Variants in HSD17B2 observed in about 807,000 individuals in gnomAD.
HSD17B2 encodes 17-beta-hydroxysteroid dehydrogenase type 2.
Under a neutral mutation model 26.9 loss-of-function variants are expected in HSD17B2, and 32 were observed. That is an observed-to-expected ratio of 1.19 (90% CI 0.90 to 1.60). HSD17B2 has a LOEUF of 1.60. Among genes scored for constraint, HSD17B2 ranks in the 40% most tolerant of loss-of-function variants. HSD17B2 has a pLI of 0.00. For missense variants in HSD17B2, 613 were observed against 468.6 expected (o/e 1.31, Z -2.85); for synonymous variants, 246 against 186.7 (o/e 1.32, Z -2.59).
chr16:82,036,734 TA>T (rs1488877495), intron 1 of HSD17B2, among the ~76,000 whole-genome samples: 1 of 152,208 alleles, frequency 6.6e-6, no homozygotes, highest in Non-Finnish European at 1.5e-5. Context: ...TTCTTTAAAT[TA>T]ATTTTTGAAA....
At chr16:82,088,477 G>C (rs1312957765) in intron 3 of HSD17B2, among the ~76,000 whole-genome samples, 1 of 152,140 alleles carries the variant, frequency 6.6e-6, no homozygotes, top group African/African-American at 2.4e-5. Context: ...GCTAATCAAT[G>C]GCAGAGCTAG....
At chr16:82,047,379 T>C (rs4589548) in intron 1 of HSD17B2, among the ~76,000 whole-genome samples, 2,276 of 152,296 alleles carry the variant, frequency 0.015, 70 homozygotes, top group African/African-American at 0.053. Flanking sequence ...TGATTAGCAG[T>C]GTGGAAAGGG....
chr16:82,086,691 C>T (rs1452637952), intron 3 of HSD17B2, among the ~76,000 whole-genome samples: 7 of 152,194 alleles, frequency 4.6e-5, no homozygotes, highest in Non-Finnish European at 8.8e-5. Context: ...GTCCATAGTT[C>T]TGTACATTAT....
rs981056851 is a variant in HSD17B2 at position 82,068,189 on chromosome 16, C to G, written c.285C>G (p.Gly95=). Residue 95 remains glycine, a synonymous_variant, in exon 2 of 5, where the codon GGC becomes GGG. Coordinates refer to ENST00000199936, the MANE Select transcript of HSD17B2 (RefSeq NM_002153.3). ...VLVTGGDCGL[G]HALCKYLDEL... ...ATGCAGGTGGTGATTGCGGGCTTGG[C>G]CATGCTTTGTGCAAGTATCTGGATG... 1 of 1,614,170 alleles carries G rather than the reference C, an allele frequency of 6.2e-7. No individual in the cohort carries two copies.
chr16:82,097,266 CTA>C (rs1904871814), intron 4 of HSD17B2: 4 of 81,018 alleles, frequency 4.9e-5, no homozygotes. Context: ...ATGTCTATGT[CTA>C]TGTGTGTGTA....
intron 2 of HSD17B2, 62 bp downstream of exon 2, chr16:82,068,444 G>C (rs943443331): frequency 3.6e-6 from 5 of 1,405,084 alleles, no homozygotes; most frequent in Non-Finnish European, 4.9e-6. Flanking sequence ...TCTTGTTCCG[G>C]CTTAGGCTGA....
At position 82,042,831 on chromosome 16, in the gene HSD17B2, G is replaced by C. The variant is rs540671930; in HGVS notation, c.265+7142G>C. ...AGATGGGCTTTCACCATGTTGGCCA[G>C]GCTGGTCTCGAACTCCTGAACTCAG... On this transcript the variant is annotated intron_variant, in intron 1 of 4. Coordinates refer to ENST00000199936, the MANE Select transcript of HSD17B2 (RefSeq NM_002153.3). Among the ~76,000 whole-genome samples the C allele has an allele frequency of 7.0e-4, 106 of 152,134 alleles. 1 individual carries two copies. In the South Asian group the frequency reaches 0.02, roughly 28 times the overall value.
intron 3 of HSD17B2, among the ~76,000 whole-genome samples, chr16:82,073,709 A>G (rs530378502): frequency 2.8e-4 from 42 of 152,324 alleles, no homozygotes; most frequent in Admixed American, 9.8e-4. Context: ...GAGATGACAC[A>G]AACAAATGGA....
At chr16:82,081,516 T>C (rs181378280) in intron 3 of HSD17B2, among the ~76,000 whole-genome samples, 2 of 152,276 alleles carry the variant, frequency 1.3e-5, no homozygotes, top group Admixed American at 1.3e-4. Flanking sequence ...GTGACACTCC[T>C]GGAAAACCCG....
intron 1 of HSD17B2, 100 bp from the exon 2 acceptor site, chr16:82,068,070 G>C (rs1204129893): frequency 9.4e-7 from 1 of 1,062,318 alleles, no homozygotes; most frequent in Non-Finnish European, 1.4e-6. Context: ...TCTTCAGAGA[G>C]CATGGAGAAT....
chr16:82,075,391 C>A (rs190227997), intron 3 of HSD17B2, among the ~76,000 whole-genome samples: 11 of 151,902 alleles, frequency 7.2e-5, no homozygotes, highest in Non-Finnish European at 1.3e-4. Context: ...GAAGACAATA[C>A]AAAAGATCAG....
intron 1 of HSD17B2, among the ~76,000 whole-genome samples, chr16:82,043,455 C>A (rs1204700949): frequency 8.0e-6 from 1 of 124,260 alleles, no homozygotes; most frequent in Non-Finnish European, 1.5e-5. Flanking sequence ...GAGGCCGAGG[C>A]GGGCGGATCA....
chr16:82,039,769 G>C (rs927108034), intron 1 of HSD17B2, among the ~76,000 whole-genome samples: 2 of 152,024 alleles, frequency 1.3e-5, no homozygotes, highest in African/African-American at 4.8e-5. Context: ...CTCAAATATT[G>C]AGAACCGACT....
chr16:82,058,776 T>G (rs183898362), intron 1 of HSD17B2, among the ~76,000 whole-genome samples: 1 of 152,260 alleles, frequency 6.6e-6, no homozygotes, highest in Admixed American at 6.5e-5. Context: ...ATGTTCCTAT[T>G]AAAAAATGAA....
intron 1 of HSD17B2, among the ~76,000 whole-genome samples, chr16:82,041,033 A>C (rs1033931610): frequency 6.6e-6 from 1 of 152,074 alleles, no homozygotes; most frequent in Non-Finnish European, 1.5e-5. Context: ...AGGGAAGCAT[A>C]AAAAAGGTTT....
At chr16:82,042,381 G>C (rs1913791410) in intron 1 of HSD17B2, among the ~76,000 whole-genome samples, 1 of 151,992 alleles carries the variant, frequency 6.6e-6, no homozygotes, top group South Asian at 2.1e-4. Flanking sequence ...GCGTGAGCCA[G>C]AACTATCGCA....
In HSD17B2 at chr16:82,059,755, A is replaced by C. The variant is rs144569952; in HGVS notation, c.266-8415A>C. Among the ~76,000 whole-genome samples the C allele has an allele frequency of 7.9e-5, 12 of 152,304 alleles. No individual in the cohort carries two copies. In the East Asian group the frequency reaches 1.9e-3, roughly 25 times the overall value. On this transcript the variant is annotated intron_variant, in intron 1 of 4. Coordinates refer to ENST00000199936, the MANE Select transcript of HSD17B2 (RefSeq NM_002153.3). Reference sequence around the variant, plus strand: ...ACAGGAATGTGTTTTGCAAAGAGCAAACCTGGGTTTCACGGCTGACTCTAC... The same window carrying C: ...ACAGGAATGTGTTTTGCAAAGAGCACACCTGGGTTTCACGGCTGACTCTAC...
At chr16:82,078,811 C>G (rs1217540917) in intron 3 of HSD17B2, among the ~76,000 whole-genome samples, 1 of 151,956 alleles carries the variant, frequency 6.6e-6, no homozygotes, top group East Asian at 1.9e-4. Flanking sequence ...TTTGTGGGAG[C>G]TAAAAATTAA....
At chr16:82,081,998 G>A (rs1306689889) in intron 3 of HSD17B2, among the ~76,000 whole-genome samples, 1 of 152,200 alleles carries the variant, frequency 6.6e-6, no homozygotes, top group Non-Finnish European at 1.5e-5. Flanking sequence ...CGCAGGAACA[G>A]AAAACCAAAT....
Sources: gnomAD v4.1 joint callset for allele counts (sites outside exome capture counted in the v4.1 genomes callset) on GRCh38, gnomAD v4.1.1 for gene constraint, MANE v1.5 for transcripts, NCBI Gene and HGNC (gene_info 2026-07-23, HGNC 2026-07-21) for gene names.